The following TSFM variants were observed in gnomAD, a reference collection of about 807,000 sequenced individuals.
The protein encoded by TSFM is elongation factor Ts, mitochondrial.
A neutral mutation model predicts 33.4 loss-of-function variants in TSFM; 29 were observed. The ratio of observed to expected loss-of-function variants is 0.87; its 90% CI spans 0.65 to 1.18. The LOEUF (loss-of-function observed/expected upper bound fraction) is 1.18, where lower values mean the gene tolerates loss of function less well. TSFM is among the 50% of genes most tolerant of loss of function. The pLI, the probability that TSFM is intolerant of heterozygous loss-of-function variation, is 0.00. For missense variants in TSFM, 394 were observed against 395.6 expected, an observed-to-expected ratio of 1.00 and a Z score of 0.04; for synonymous variants, 178 against 163.5, an observed-to-expected ratio of 1.09 and a Z score of -0.68.
chr12:57,788,465 C>CA (rs1335980869), intron 4 of TSFM, among the ~76,000 whole-genome samples: 2 of 152,128 alleles, frequency 1.3e-5, no homozygotes, highest in South Asian at 4.2e-4. Flanking sequence ...TTTGTAAAGA[C>CA]AGAGTTTCAC....
At chr12:57,801,998 G>A (rs370524687), downstream of TSFM, among the ~76,000 whole-genome samples, 3 of 152,212 alleles carry the variant, frequency 2.0e-5, no homozygotes, top group South Asian at 4.1e-4. Flanking sequence ...TGCTGTGGCA[G>A]GTGAAAAAGA....
At chr12:57,793,875 ATCTT>A (rs1351036808) in intron 5 of TSFM, among the ~76,000 whole-genome samples, 3 of 152,186 alleles carry the variant, frequency 2.0e-5, no homozygotes, top group Admixed American at 6.5e-5. Context: ...TAGGAATTTG[ATCTT>A]TCTTTTCAAA....
chr12:57,799,880 C>G, downstream of TSFM: 1 of 1,614,176 alleles, frequency 6.2e-7, no homozygotes, highest in African/African-American at 1.3e-5. Flanking sequence ...TTTTGGCTCA[C>G]TGTCATTAGA....
downstream of TSFM, chr12:57,801,030 A>G: frequency 1.3e-6 from 1 of 797,002 alleles, no homozygotes; most frequent in East Asian, 2.5e-5. Flanking sequence ...AAAACAGACA[A>G]CTATGGTAAT....
chr12:57,783,074 G>T, intron 1 of TSFM, 36 bp from the exon 2 acceptor site: 1 of 1,584,982 alleles, frequency 6.3e-7, no homozygotes. Context: ...GGAGTTTGCT[G>T]CTTCCTGCTC....
At chr12:57,788,065 G>A (rs1955613176) in intron 4 of TSFM, among the ~76,000 whole-genome samples, 1 of 152,168 alleles carries the variant, frequency 6.6e-6, no homozygotes, top group South Asian at 2.1e-4. Context: ...ACCACTCACA[G>A]TAATTTTTTT....
intron 4 of TSFM, among the ~76,000 whole-genome samples, chr12:57,789,880 T>C (rs568361885): frequency 1.3e-5 from 2 of 152,292 alleles, no homozygotes; most frequent in Non-Finnish European, 2.9e-5. Context: ...CTTATTATTT[T>C]CTGAGTATTT....
chr12:57,786,169 A>T lies in TSFM; in HGVS notation c.238A>T (p.Ile80Phe), dbSNP rs769863041. ...TTTTCCTCTCAATTTACAGGCAGAGATCTGGCTCCACAAGGAGGCCCAGAA... is the reference window on the plus strand; with the variant it reads ...TTTTCCTCTCAATTTACAGGCAGAGTTCTGGCTCCACAAGGAGGCCCAGAA... ...TCGGDLKQAE[I>F]WLHKEAQKEG... The change falls in exon 3 of 6, where the codon ATC becomes TTC. Residue 80 changes from isoleucine (I) to phenylalanine (F), a missense_variant. Physicochemically the swap from Ile to Phe is conservative, Grantham distance 21. Coordinates refer to ENST00000652027, the MANE Select transcript of TSFM (RefSeq NM_005726.6). 5 of 1,605,180 alleles carry T rather than the reference A, an allele frequency of 3.1e-6. No individual in the cohort carries two copies. The highest frequency in any genetic ancestry group is 4.3e-6 in the Non-Finnish European group (5 of 1,175,558).
At chr12:57,794,451 A>T (rs1020860645) in intron 5 of TSFM, among the ~76,000 whole-genome samples, 1 of 152,240 alleles carries the variant, frequency 6.6e-6, no homozygotes, top group African/African-American at 2.4e-5. Flanking sequence ...TCTGGTTCTC[A>T]TAAATAACTC....
intron 2 of TSFM, chr12:57,783,950 GT>G (rs1272194535): frequency 2.8e-6 from 2 of 702,706 alleles, no homozygotes. Flanking sequence ...GAGTTGTGTA[GT>G]TTTTGCCTGT....
chr12:57,798,601 A>G (rs190069908), downstream of TSFM, among the ~76,000 whole-genome samples: 18 of 151,932 alleles, frequency 1.2e-4, no homozygotes, highest in Admixed American at 3.3e-4. Context: ...AGGGGAAAAG[A>G]AATTTATTCT....
At chr12:57,789,212 C>T (rs1393105857) in intron 4 of TSFM, among the ~76,000 whole-genome samples, 1 of 152,112 alleles carries the variant, frequency 6.6e-6, no homozygotes, top group Non-Finnish European at 1.5e-5. Flanking sequence ...GATCTGCCCA[C>T]CTGGGCCTCC....
rs560105240 is a variant in TSFM, at chr12:57,792,465, A to AATGT, written c.484-519_484-516dup. 3.6e-4 allele frequency among the ~76,000 whole-genome samples: 55 copies of AATGT among 152,342 alleles called. 2 individuals are homozygous for AATGT. The South Asian group carries it at 0.011, about 30-fold the overall frequency. On this transcript the variant is annotated intron_variant, in intron 4 of 5. Coordinates refer to ENST00000652027, the MANE Select transcript of TSFM (RefSeq NM_005726.6). ...AAGTTAGGCTGGAGGATGAGAGTGGAATGTAATTGGGGGTGGTGCAGTGAT... is the reference window on the plus strand; with the variant it reads ...AAGTTAGGCTGGAGGATGAGAGTGGAATGTATGTAATTGGGGGTGGTGCAGTGAT...
At chr12:57,797,831 G>T, downstream of TSFM, 2 of 1,339,048 alleles carry the variant, frequency 1.5e-6, no homozygotes, top group Non-Finnish European at 1.0e-6. Flanking sequence ...CCTGATATTG[G>T]CACTATCTGC....
intron 2 of TSFM, among the ~76,000 whole-genome samples, chr12:57,784,717 A>G (rs1955565876): frequency 6.7e-6 from 1 of 150,334 alleles, no homozygotes; most frequent in Non-Finnish European, 1.5e-5. Flanking sequence ...CGTCTCTACT[A>G]AAAAAAAATA....
At chr12:57,790,851 G>C (rs1478969899) in intron 4 of TSFM, among the ~76,000 whole-genome samples, 1 of 151,176 alleles carries the variant, frequency 6.6e-6, no homozygotes, top group Non-Finnish European at 1.5e-5. Flanking sequence ...AGCACTTCGG[G>C]GTTTTTTGTT....
At chr12:57,800,916 G>A (rs1398978712), downstream of TSFM, among the ~76,000 whole-genome samples, 1 of 152,138 alleles carries the variant, frequency 6.6e-6, no homozygotes, top group Non-Finnish European at 1.5e-5. Flanking sequence ...CCCCATTTTT[G>A]TTGTTTTTAC....
intron 2 of TSFM, among the ~76,000 whole-genome samples, chr12:57,785,230 CT>C (rs993586637): frequency 2.6e-5 from 4 of 152,222 alleles, no homozygotes; most frequent in South Asian, 4.1e-4. Flanking sequence ...CTGGCCAAAA[CT>C]TTTTTTAAGT....
chr12:57,794,951 G>A (rs1955711094), intron 5 of TSFM, among the ~76,000 whole-genome samples: 1 of 151,716 alleles, frequency 6.6e-6, no homozygotes, highest in African/African-American at 2.4e-5. Flanking sequence ...AGTAGAGACG[G>A]GGTTTCACCG....
Sources: allele counts gnomAD v4.1 joint callset (sites outside exome capture counted in the v4.1 genomes callset), GRCh38; gene constraint gnomAD v4.1.1; transcripts MANE v1.5; gene names NCBI Gene and HGNC (gene_info 2026-07-23, HGNC 2026-07-21).